The following TCF12 variants were observed in gnomAD, a reference collection of about 807,000 sequenced individuals.
TCF12 encodes transcription factor 12.
In TCF12, 45 loss-of-function variants were observed where a neutral mutation model predicts 86.0. The ratio of observed to expected loss-of-function variants is 0.52; its 90% CI spans 0.41 to 0.67. The LOEUF is 0.67. TCF12 is among the 30% of genes least tolerant of loss of function. The pLI is 0.00. For synonymous variants in TCF12, 330 were observed against 299.6 expected, an observed-to-expected ratio of 1.10 and a Z score of -1.05; for missense variants, 881 against 859.9, an observed-to-expected ratio of 1.02 and a Z score of -0.31.
At chr15:57,241,414 C>T (rs1461837747) in intron 12 of TCF12, among the ~76,000 whole-genome samples, 1 of 152,064 alleles carries the variant, frequency 6.6e-6, no homozygotes, top group Non-Finnish European at 1.5e-5. Context: ...TATACTACCT[C>T]TCTGTTACTA....
chr15:57,157,276 T>G (rs1189299614), intron 5 of TCF12, among the ~76,000 whole-genome samples: 2 of 142,878 alleles, frequency 1.4e-5, no homozygotes, highest in Non-Finnish European at 3.1e-5. Flanking sequence ...TCATGATGGG[T>G]TTTTTTTTTT....
intron 16 of TCF12, among the ~76,000 whole-genome samples, chr15:57,261,542 A>T (rs1187786470): frequency 6.6e-6 from 1 of 152,178 alleles, no homozygotes; most frequent in Non-Finnish European, 1.5e-5. Context: ...ACTCCAGCCA[A>T]TAAACCTATT....
At chr15:57,081,767 C>T (rs1325779678) in intron 4 of TCF12, among the ~76,000 whole-genome samples, 1 of 152,050 alleles carries the variant, frequency 6.6e-6, no homozygotes, top group African/African-American at 2.4e-5. Context: ...CAGGGTTTCA[C>T]CATGTTGGCC....
chr15:57,235,029 T>C (rs563814072), intron 12 of TCF12, among the ~76,000 whole-genome samples: 210 of 152,264 alleles, frequency 1.4e-3, no homozygotes, highest in Middle Eastern at 6.8e-3. Flanking sequence ...ATAAACCTCT[T>C]TGTATATTGT....
intron 3 of TCF12, among the ~76,000 whole-genome samples, chr15:56,961,553 T>C (rs1190828157): frequency 6.6e-6 from 1 of 152,184 alleles, no homozygotes; most frequent in Non-Finnish European, 1.5e-5. Flanking sequence ...TTAATAAATG[T>C]TTGTGGAATA....
chr15:56,941,880 A>G (rs1383199622), intron 3 of TCF12, among the ~76,000 whole-genome samples: 1 of 152,122 alleles, frequency 6.6e-6, no homozygotes, highest in Non-Finnish European at 1.5e-5. Context: ...AATCTTCTTT[A>G]GAACAAAACA....
chr15:57,183,575 A>T (rs941761855), intron 6 of TCF12, among the ~76,000 whole-genome samples: 15 of 152,178 alleles, frequency 9.9e-5, no homozygotes, highest in African/African-American at 3.4e-4. Flanking sequence ...CTGAAATCTT[A>T]GATCACTTAC....
chr15:56,990,349 A>G (rs1350697090), intron 3 of TCF12, among the ~76,000 whole-genome samples: 1 of 151,854 alleles, frequency 6.6e-6, no homozygotes, highest in Non-Finnish European at 1.5e-5. Context: ...TGTATCCCTA[A>G]CAAGACGATA....
chr15:56,924,266 C>G (rs955266653), intron 3 of TCF12, among the ~76,000 whole-genome samples: 15 of 152,054 alleles, frequency 9.9e-5, no homozygotes, highest in Admixed American at 7.9e-4. Flanking sequence ...GTGATACAGT[C>G]AAGATGCAAA....
At chr15:56,988,819 A>G (rs2063314453) in intron 3 of TCF12, among the ~76,000 whole-genome samples, 2 of 152,172 alleles carry the variant, frequency 1.3e-5, no homozygotes, top group African/African-American at 2.4e-5. Flanking sequence ...TATGGATGGT[A>G]AAAGATGTAA....
At chr15:57,158,570 C>T (rs2054283506) in intron 5 of TCF12, among the ~76,000 whole-genome samples, 1 of 152,154 alleles carries the variant, frequency 6.6e-6, no homozygotes, top group South Asian at 2.1e-4. Context: ...CATTTTAGCA[C>T]TTCTGCCAGA....
chr15:57,246,892 C>T (rs2059888584), intron 13 of TCF12: 4 of 462,204 alleles, frequency 8.7e-6, no homozygotes, highest in South Asian at 5.0e-5. Flanking sequence ...CTCAAAGTAA[C>T]CTACAGCTTT....
At position 57,159,715 on chromosome 15, in the gene TCF12, A is replaced by ATATGAAC. The variant is rs147717096; in HGVS notation, c.326-6685_326-6684insTGAACTA. ...TTAGCTTTTAAGAAAAACCAGTCTA[A>ATATGAAC]TACTTAAATTATAACACATGGAGTT... On this transcript the variant is annotated intron_variant, in intron 5 of 20. Coordinates refer to ENST00000333725, the MANE Select transcript of TCF12 (RefSeq NM_207037.2). Among the ~76,000 whole-genome samples the ATATGAAC allele has an allele frequency of 1.4e-3, 216 of 152,164 alleles. 2 individuals carry two copies. The highest frequency in any genetic ancestry group is 6.2e-4 in the Non-Finnish European group (42 of 67,990).
intron 3 of TCF12, among the ~76,000 whole-genome samples, chr15:56,982,912 G>C (rs1424705565): frequency 6.6e-6 from 1 of 152,180 alleles, no homozygotes; most frequent in East Asian, 1.9e-4. Context: ...AGAGTAGGTA[G>C]TAAATATGTG....
chr15:57,263,060 T>G (rs2060662043), intron 17 of TCF12, 52 bp from the exon 18 acceptor site: 1 of 1,554,210 alleles, frequency 6.4e-7, no homozygotes, highest in South Asian at 1.2e-5. Flanking sequence ...TTAGCTGTAA[T>G]TCATATATGA....
chr15:57,211,977 CA>C (rs2058125355), intron 8 of TCF12, among the ~76,000 whole-genome samples: 2 of 5,424 alleles, frequency 3.7e-4, no homozygotes, highest in Non-Finnish European at 1.8e-3. Flanking sequence ...CACACACACA[CA>C]CCACACACAC....
chr15:57,196,231 G>A (rs2057258853), intron 7 of TCF12, among the ~76,000 whole-genome samples: 1 of 151,150 alleles, frequency 6.6e-6, no homozygotes, highest in African/African-American at 2.4e-5. Context: ...TTTTTTTCTT[G>A]TTATTATTCC....
intron 3 of TCF12, among the ~76,000 whole-genome samples, chr15:57,043,453 TTG>T (rs1357700534): frequency 1.3e-5 from 2 of 152,064 alleles, no homozygotes; most frequent in Non-Finnish European, 2.9e-5. Flanking sequence ...TGTTCTTATG[TTG>T]TGTGTGTGTG....
At chr15:57,074,516 T>C (rs1229574690) in intron 4 of TCF12, among the ~76,000 whole-genome samples, 1 of 152,236 alleles carries the variant, frequency 6.6e-6, no homozygotes, top group Non-Finnish European at 1.5e-5. Flanking sequence ...TTTGTTTCTT[T>C]GTTTGTTTGA....
Sources: allele counts gnomAD v4.1 joint callset (sites outside exome capture counted in the v4.1 genomes callset), GRCh38; gene constraint gnomAD v4.1.1; transcripts MANE v1.5; gene names NCBI Gene and HGNC (gene_info 2026-07-23, HGNC 2026-07-21).